Variants in ARHGAP15 observed in about 807,000 individuals in gnomAD.
ARHGAP15 encodes the protein Rho GTPase activating protein 15.
A neutral mutation model predicts 63.7 loss-of-function variants in ARHGAP15; 51 were observed. The ratio of observed to expected loss-of-function variants is 0.80; its 90% CI spans 0.64 to 1.01. The LOEUF is 1.01. Ranked by LOEUF, ARHGAP15 falls within the 50% of genes least tolerant of loss-of-function variation. ARHGAP15 has a pLI of 0.00. For missense variants in ARHGAP15, 560 were observed against 564.6 expected (o/e 0.99, Z 0.08); for synonymous variants, 191 against 193.8 (o/e 0.99, Z 0.12).
chr2:143,144,255 C>T lies in ARHGAP15; in HGVS notation c.-14-11222C>T, dbSNP rs375104949. Reference sequence around the variant, plus strand: ...ATGCATAAAGGGATGATTTATATTCCTTTGGGTATATACCTAGTAATGGGA... The same window carrying T: ...ATGCATAAAGGGATGATTTATATTCTTTTGGGTATATACCTAGTAATGGGA... On this transcript the variant is annotated intron_variant, in intron 1 of 13. Coordinates refer to ENST00000295095, the MANE Select transcript of ARHGAP15 (RefSeq NM_018460.4). Among the ~76,000 whole-genome samples the T allele has an allele frequency of 8.6e-5, 13 of 152,002 alleles. No individual in the cohort carries two copies. In the East Asian group the frequency reaches 1.8e-3, roughly 20 times the overall value.
chr2:143,440,373 T>C (rs142056704), intron 8 of ARHGAP15, among the ~76,000 whole-genome samples: 192 of 152,296 alleles, frequency 1.3e-3, no homozygotes, highest in Admixed American at 2.3e-3. Context: ...AATAATTATA[T>C]AGAATCAGAG....
At chr2:143,204,948 A>G (rs534196920) in intron 3 of ARHGAP15, among the ~76,000 whole-genome samples, 6 of 151,948 alleles carry the variant, frequency 3.9e-5, no homozygotes, top group African/African-American at 1.4e-4. Context: ...TAAAAAAAAA[A>G]TGAAACAAAA....
chr2:143,369,208 G>T (rs1686433378), intron 6 of ARHGAP15, among the ~76,000 whole-genome samples: 1 of 151,970 alleles, frequency 6.6e-6, no homozygotes, highest in Non-Finnish European at 1.5e-5. Context: ...ATAGTATATT[G>T]TTCATCTCAT....
intron 6 of ARHGAP15, among the ~76,000 whole-genome samples, chr2:143,399,205 T>C (rs1687895016): frequency 6.6e-6 from 1 of 152,050 alleles, no homozygotes; most frequent in Non-Finnish European, 1.5e-5. Context: ...AATAATATAA[T>C]GTGGAGGCTG....
At chr2:143,489,132 G>A (rs769601447) in intron 9 of ARHGAP15, among the ~76,000 whole-genome samples, 2 of 152,122 alleles carry the variant, frequency 1.3e-5, no homozygotes, top group Non-Finnish European at 2.9e-5. Flanking sequence ...AGTTTTTCAC[G>A]ACTGGGACAA....
intron 8 of ARHGAP15, among the ~76,000 whole-genome samples, chr2:143,486,159 CTAA>C (rs1692315109): frequency 6.6e-6 from 1 of 152,004 alleles, no homozygotes; most frequent in Non-Finnish European, 1.5e-5. Context: ...AAAAGAATAC[CTAA>C]TAAAGTATCC....
chr2:143,718,624 A>G (rs1193390330), intron 13 of ARHGAP15, among the ~76,000 whole-genome samples: 1 of 152,096 alleles, frequency 6.6e-6, no homozygotes. Context: ...TCCTACCCAT[A>G]TTCTTTTTAA....
chr2:143,309,481 G>GA (rs1683336170), intron 6 of ARHGAP15, among the ~76,000 whole-genome samples: 1 of 152,018 alleles, frequency 6.6e-6, no homozygotes, highest in Admixed American at 6.6e-5. Context: ...GTACTATACT[G>GA]ATGTCAATGC....
chr2:143,233,526 A>G (rs1205986811), intron 5 of ARHGAP15, among the ~76,000 whole-genome samples: 5 of 151,708 alleles, frequency 3.3e-5, no homozygotes, highest in African/African-American at 1.2e-4. Context: ...GTTTTTCTAC[A>G]GTTTCATCAT....
chr2:143,164,376 G>C (rs1424322315), intron 2 of ARHGAP15, among the ~76,000 whole-genome samples: 1 of 152,032 alleles, frequency 6.6e-6, no homozygotes, highest in Non-Finnish European at 1.5e-5. Flanking sequence ...ATTAGCAAAT[G>C]TACAGCAATG....
At chr2:143,282,529 C>T (rs769545040) in intron 6 of ARHGAP15, among the ~76,000 whole-genome samples, 57 of 152,076 alleles carry the variant, frequency 3.7e-4, no homozygotes, top group Admixed American at 6.6e-4. Flanking sequence ...ATGAGACATG[C>T]GCAGAACAGC....
At chr2:143,490,765 A>G (rs572548452) in intron 9 of ARHGAP15, among the ~76,000 whole-genome samples, 4 of 152,144 alleles carry the variant, frequency 2.6e-5, no homozygotes, top group Admixed American at 6.5e-5. Context: ...GATTACAGGC[A>G]TGCACCACCA....
At chr2:143,194,720 G>A (rs1291522140) in intron 2 of ARHGAP15, among the ~76,000 whole-genome samples, 1 of 151,658 alleles carries the variant, frequency 6.6e-6, no homozygotes, top group Non-Finnish European at 1.5e-5. Flanking sequence ...AGAGAGAAAC[G>A]ATCTAGCGAA....
In ARHGAP15 at chr2:143,637,860, CAAAAG is replaced by C. The variant is rs1225021615; in HGVS notation, c.1138+13596_1138+13600del. On this transcript the variant is annotated intron_variant, in intron 12 of 13. Coordinates refer to ENST00000295095, the MANE Select transcript of ARHGAP15 (RefSeq NM_018460.4). ...GCGAAGGACATGAACAGACACTTCT[CAAAAG>C]AAGACATTTAGGCAGCCAAAAAACA... is the stretch of plus-strand genomic sequence containing the variant. Among the ~76,000 whole-genome samples the C allele has an allele frequency of 2.6e-5, 4 of 152,058 alleles. No individual in the cohort carries two copies. The East Asian group carries it at 7.7e-4, about 29-fold the overall frequency.
At chr2:143,313,523 A>G (rs1181479661) in intron 6 of ARHGAP15, among the ~76,000 whole-genome samples, 1 of 152,002 alleles carries the variant, frequency 6.6e-6, no homozygotes, top group Non-Finnish European at 1.5e-5. Context: ...CCTGCCTCCA[A>G]TTTCCCCCAT....
Position 143,606,035 on chromosome 2 carries a change from C to CAAAAAAAAAAAAAAAA in ARHGAP15, c.1004-18078_1004-18063dup, listed in dbSNP as rs869266541. Among the ~76,000 whole-genome samples, 18 of 22,870 alleles carry CAAAAAAAAAAAAAAAA rather than the reference C, an allele frequency of 7.9e-4. 3 individuals carry two copies. Among genetic ancestry groups the CAAAAAAAAAAAAAAAA allele is most frequent in the Non-Finnish European group, 1.0e-3 (15 of 14,374 alleles). 15.0% of individuals were successfully genotyped at this position (22,870 alleles called of 152,430 possible). Reference sequence around the variant, plus strand: ...TGGGCGCCAGAGCAAGACTCTGTCTCAAAAAAAAAAAAAAAAAAAAAAAAA... The same window carrying CAAAAAAAAAAAAAAAA: ...TGGGCGCCAGAGCAAGACTCTGTCTCAAAAAAAAAAAAAAAAAAAAAAAAAAAAAAAAAAAAAAAAA... On this transcript the variant is annotated intron_variant, in intron 11 of 13. Transcript: ENST00000295095.
intron 9 of ARHGAP15, among the ~76,000 whole-genome samples, chr2:143,489,104 A>G (rs182750763): frequency 9.2e-5 from 14 of 152,296 alleles, no homozygotes; most frequent in Non-Finnish European, 1.6e-4. Context: ...CAACAATCCT[A>G]ACTTTACATA....
intron 6 of ARHGAP15, among the ~76,000 whole-genome samples, chr2:143,308,658 G>A (rs774375299): frequency 1.4e-4 from 22 of 151,994 alleles, no homozygotes; most frequent in Non-Finnish European, 2.5e-4. Flanking sequence ...TGAAATGCTG[G>A]GGAATGTGAT....
rs535514240 is a variant in ARHGAP15, at chr2:143,324,706, T to C, written c.474+74106T>C. 9.2e-5 allele frequency among the ~76,000 whole-genome samples: 14 copies of C among 152,288 alleles called. No individual in the cohort carries two copies. In the East Asian group the frequency reaches 2.3e-3, roughly 25 times the overall value. On this transcript the variant is annotated intron_variant, in intron 6 of 13. Transcript: ENST00000295095. The stretch of plus-strand genomic sequence containing the variant: ...AATTTTTAAGCAATTTAGCATTTCA[T>C]CAAAGTAACACGGCACTTGATTTTC...
Sources: allele counts gnomAD v4.1 joint callset (sites outside exome capture counted in the v4.1 genomes callset), GRCh38; gene constraint gnomAD v4.1.1; transcripts MANE v1.5; gene names NCBI Gene and HGNC (gene_info 2026-07-23, HGNC 2026-07-21).